Variants in SLCO3A1 observed in about 807,000 individuals in gnomAD.
The protein encoded by SLCO3A1 is solute carrier organic anion transporter family member 3A1.
In SLCO3A1, 27 loss-of-function variants were observed where a neutral mutation model predicts 63.1. The observed-to-expected ratio is 0.43, with a 90% CI of 0.32 to 0.59. The LOEUF is 0.59. Ranked by LOEUF, SLCO3A1 falls within the 20% of genes least tolerant of loss-of-function variation. SLCO3A1 has a pLI of 0.09. For synonymous variants in SLCO3A1, 473 were observed against 409.9 expected (o/e 1.15, Z -1.86); for missense variants, 773 against 945.8 (o/e 0.82, Z 2.40).
At chr15:92,011,199 C>CTA (rs2151462278) in intron 2 of SLCO3A1, among the ~76,000 whole-genome samples, 1 of 152,332 alleles carries the variant, frequency 6.6e-6, no homozygotes, top group South Asian at 2.1e-4. Context: ...CCTCTCCTTT[C>CTA]TACCTGGGAC....
chr15:91,957,503 T>C (rs2151418711), intron 2 of SLCO3A1, among the ~76,000 whole-genome samples: 1 of 152,170 alleles, frequency 6.6e-6, no homozygotes, highest in East Asian at 1.9e-4. Flanking sequence ...CTTTCTCAGC[T>C]GCAGCCACAC....
At chr15:91,917,789 C>G (rs1898712396) in intron 2 of SLCO3A1, among the ~76,000 whole-genome samples, 1 of 152,128 alleles carries the variant, frequency 6.6e-6, no homozygotes, top group Non-Finnish European at 1.5e-5. Flanking sequence ...AAAGCCGCTC[C>G]ACGTGAGTTT....
chr15:92,139,689 C>T (rs2048103919), intron 7 of SLCO3A1, among the ~76,000 whole-genome samples: 1 of 152,180 alleles, frequency 6.6e-6, no homozygotes. Context: ...TCAACTTCTT[C>T]CTGGTTTAGT....
chr15:91,999,421 A>G (rs1023303113), intron 2 of SLCO3A1, among the ~76,000 whole-genome samples: 1 of 152,258 alleles, frequency 6.6e-6, no homozygotes, highest in African/African-American at 2.4e-5. Flanking sequence ...TATGCCATAG[A>G]AAAATGGGTA....
chr15:92,165,268 G>C lies in SLCO3A1; in HGVS notation c.*2133G>C, dbSNP rs184571998. 17 of 985,110 alleles carry C rather than the reference G, an allele frequency of 1.7e-5. No homozygotes were observed. Among genetic ancestry groups the C allele is most frequent in the Non-Finnish European group, 1.9e-5 (16 of 829,914 alleles). 61.0% of individuals were successfully genotyped at this position (985,110 alleles called of 1,614,324 possible). ...AGTATGTCCTTGCTTATGAAAATGG[G>C]GACACTCATCAGTACGTTAACTACT... On this transcript the variant is annotated 3_prime_UTR_variant, in exon 10 of 10. Coordinates refer to ENST00000318445, the MANE Select transcript of SLCO3A1 (RefSeq NM_013272.4).
intron 2 of SLCO3A1, among the ~76,000 whole-genome samples, chr15:92,022,053 A>G (rs1175527425): frequency 6.6e-6 from 1 of 152,140 alleles, no homozygotes; most frequent in Non-Finnish European, 1.5e-5. Context: ...GAGGCAGGAA[A>G]TCCTGTCTGA....
chr15:91,879,705 C>G (rs368999826), intron 1 of SLCO3A1, among the ~76,000 whole-genome samples: 1 of 151,958 alleles, frequency 6.6e-6, no homozygotes, highest in East Asian at 1.9e-4. Context: ...TATAGATGTC[C>G]CTATATAGAT....
Sources: allele counts gnomAD v4.1 joint callset (sites outside exome capture counted in the v4.1 genomes callset), GRCh38; gene constraint gnomAD v4.1.1; transcripts MANE v1.5; gene names NCBI Gene and HGNC (gene_info 2026-07-23, HGNC 2026-07-21).